The following OAS1 variants were observed in gnomAD, a reference collection of about 807,000 sequenced individuals.
The protein encoded by OAS1 is 2'-5'-oligoadenylate synthase 1.
OAS1 carries 24 observed loss-of-function variants against 38.5 expected under a neutral mutation model. The observed-to-expected ratio is 0.62, with a 90% CI of 0.45 to 0.88. The LOEUF (loss-of-function observed/expected upper bound fraction) is 0.88, where lower values mean the gene tolerates loss of function less well. OAS1 is among the 40% of genes least tolerant of loss of function. The probability of loss-of-function intolerance (pLI) is 0.00; values close to 1 mark genes in which losing one functional copy is unlikely to be tolerated. For missense variants in OAS1, 482 were observed against 493.9 expected (o/e 0.98, Z 0.23); for synonymous variants, 169 against 193.9 (o/e 0.87, Z 1.07).
downstream of OAS1, among the ~76,000 whole-genome samples, chr12:112,921,382 G>A (rs956260181): frequency 1.3e-5 from 2 of 152,134 alleles, no homozygotes; most frequent in Non-Finnish European, 2.9e-5. Flanking sequence ...GTTGCCTTTT[G>A]AGAGTGTTTC....
At chr12:112,922,343 C>T (rs527873259), downstream of OAS1, among the ~76,000 whole-genome samples, 1 of 152,210 alleles carries the variant, frequency 6.6e-6, no homozygotes, top group Admixed American at 6.5e-5. Flanking sequence ...CCCTTAACCC[C>T]CTGGTCGTCC....
At chr12:112,916,868 C>A (rs2043468108) in intron 4 of OAS1, 130 bp downstream of exon 4, 1 of 713,960 alleles carries the variant, frequency 1.4e-6, no homozygotes, top group Admixed American at 2.2e-5. Context: ...CATCATTGTA[C>A]TGGGCATTTT....
intron 2 of OAS1, 122 bp downstream of exon 2, chr12:112,908,946 AT>A (rs1456195732): frequency 1.8e-6 from 2 of 1,085,784 alleles, no homozygotes; most frequent in Non-Finnish European, 2.7e-6. Flanking sequence ...AGATCTTAGG[AT>A]CTGTCCCGGG....
At chr12:112,910,926 T>C in intron 2 of OAS1, 125 bp from the exon 3 acceptor site, 2 of 850,956 alleles carry the variant, frequency 2.4e-6, no homozygotes, top group Non-Finnish European at 3.6e-6. Context: ...ACCTCAAGAC[T>C]TCCCAGCCCT....
intron 3 of OAS1, among the ~76,000 whole-genome samples, chr12:112,914,258 C>T (rs1224777907): frequency 1.3e-5 from 2 of 152,008 alleles, no homozygotes; most frequent in East Asian, 3.8e-4. Context: ...CTGTGAATGC[C>T]ATTATTTTGT....
At chr12:112,913,014 C>T (rs899834567) in intron 3 of OAS1, among the ~76,000 whole-genome samples, 1 of 152,214 alleles carries the variant, frequency 6.6e-6, no homozygotes, top group African/African-American at 2.4e-5. Context: ...AACATTCCAT[C>T]TGGGGTAATT....
chr12:112,916,501 C>T lies in OAS1; in HGVS notation c.655-8C>T, dbSNP rs1179448921. ...CAATTTTTTTCTGATTGTTTTTCCTCTTCTCAGTGTAAGAAGAAGCTTGGG... is the reference window on the plus strand; with the variant it reads ...CAATTTTTTTCTGATTGTTTTTCCTTTTCTCAGTGTAAGAAGAAGCTTGGG... On this transcript the variant is annotated splice_polypyrimidine_tract_variant and splice_region_variant and intron_variant, in intron 3 of 5. Transcript: ENST00000202917. 1 of 1,611,016 alleles carries T rather than the reference C, an allele frequency of 6.2e-7. No individual in the cohort carries two copies. The highest frequency in any genetic ancestry group is 2.2e-5 in the East Asian group (1 of 44,868).
chr12:112,909,436 G>A (rs1010380828), intron 2 of OAS1, among the ~76,000 whole-genome samples: 3 of 151,990 alleles, frequency 2.0e-5, no homozygotes, highest in Admixed American at 6.6e-5. Flanking sequence ...AGGCAGGAGG[G>A]TCGCTTGAGC....
intron 6 of OAS1, among the ~76,000 whole-genome samples, chr12:112,925,197 G>A (rs933124802): frequency 2.0e-5 from 3 of 152,156 alleles, no homozygotes; most frequent in African/African-American, 4.8e-5. Flanking sequence ...AACTCTGCAC[G>A]CTCAGCTTCA....
chr12:112,908,689 G>A lies in OAS1; in HGVS notation c.334G>A (p.Glu112Lys), dbSNP rs1309955547. Residue 112 changes from glutamate (E) to lysine (K), a missense_variant, in exon 2 of 6, where the codon GAG (glutamate) becomes AAG (lysine). By Grantham distance (56) the Glu-to-Lys change is moderately conservative (BLOSUM62 1). Transcript: ENST00000202917. ...IRRQLEACQR[E>K]RAFSVKFEVQ... ...GAGACAGCTGGAAGCCTGTCAAAGA[G>A]AGAGAGCATTTTCCGTGAAGTTTGA... 6.2e-7 allele frequency: 1 copy of A among 1,614,224 alleles called. No individual in the cohort carries two copies. The highest frequency in any genetic ancestry group is 8.5e-7 in the Non-Finnish European group (1 of 1,180,040).
chr12:112,928,134 ATAGG>A (rs2043572018), intron 6 of OAS1, among the ~76,000 whole-genome samples: 1 of 152,218 alleles, frequency 6.6e-6, no homozygotes, highest in Admixed American at 6.5e-5. Context: ...AACTCAGCTA[ATAGG>A]TAGTCCTCTG....
At chr12:112,911,001 G>A (rs747906522) in intron 2 of OAS1, 50 bp from the exon 3 acceptor site, 7 of 1,549,404 alleles carry the variant, frequency 4.5e-6, no homozygotes, top group East Asian at 2.3e-5. Context: ...AGTGACTGAA[G>A]GAAATTCAGA....
chr12:112,928,462 T>C (rs1000877523), intron 6 of OAS1, among the ~76,000 whole-genome samples: 5 of 152,210 alleles, frequency 3.3e-5, no homozygotes, highest in Non-Finnish European at 5.9e-5. Context: ...TTAAAACAAC[T>C]GTGAAGTGAT....
In OAS1 at chr12:112,916,670, G is replaced by C. The variant is rs1420063419; in HGVS notation, c.816G>C (p.Trp272Cys). 6.2e-7 allele frequency: 1 copy of C among 1,614,104 alleles called. No individual in the cohort carries two copies. Among genetic ancestry groups the C allele is most frequent in the East Asian group, 2.2e-5 (1 of 44,886 alleles). The change falls in exon 4 of 6, where the codon TGG becomes TGC. Residue 272 changes from tryptophan to cysteine, a missense_variant. Coordinates refer to ENST00000202917, the MANE Select transcript of OAS1 (RefSeq NM_016816.4). ...ACTACCAGCAACTCTGCATCTACTG[G>C]ACAAAGTATTATGACTTTAAAAACC... ...VINYQQLCIY[W>C]TKYYDFKNPI... is the part of the protein sequence containing the mutation.
At position 112,907,120 on chromosome 12, in the gene OAS1, C is replaced by T. The variant is rs971215607; in HGVS notation, c.81C>T (p.Arg27=). 3 of 1,614,114 alleles carry T rather than the reference C, an allele frequency of 1.9e-6. No homozygotes were observed. The African/African-American group carries it at 4.0e-5, about 22-fold the overall frequency. Residue 27 remains arginine (R), a synonymous_variant, in exon 1 of 6, where the codon CGC becomes CGT. Coordinates refer to ENST00000202917, the MANE Select transcript of OAS1 (RefSeq NM_016816.4). ...ATCTCTTGCCAGACACGTGTTTCCG[C>T]ATGCAAATCAACCATGCCATTGACA... ...EDYLLPDTCF[R]MQINHAIDII...
At chr12:112,921,317 G>A (rs778420814), downstream of OAS1, among the ~76,000 whole-genome samples, 2 of 152,196 alleles carry the variant, frequency 1.3e-5, no homozygotes, top group Non-Finnish European at 2.9e-5. Context: ...AGGCAAGTGT[G>A]GACATCCCAA....
chr12:112,925,323 C>T (rs1352695513), intron 6 of OAS1, among the ~76,000 whole-genome samples: 2 of 152,106 alleles, frequency 1.3e-5, no homozygotes, highest in Non-Finnish European at 2.9e-5. Flanking sequence ...CCTCCTTGCA[C>T]ACCCCTCACG....
intron 3 of OAS1, among the ~76,000 whole-genome samples, chr12:112,915,809 G>C (rs1052000877): frequency 1.3e-5 from 2 of 152,066 alleles, no homozygotes; most frequent in African/African-American, 2.4e-5. Context: ...GCAATGTTTT[G>C]TAGTTTTCCT....
In OAS1 at chr12:112,907,000, G is replaced by A. The variant is rs779021235; in HGVS notation, c.-40G>A. ...TCAGCAGAAGAGATAAAAGCAAACA[G>A]GTCTGGGAGGCAGTTCTGTTGCCAC... On this transcript the variant is annotated 5_prime_UTR_variant, in exon 1 of 6. Coordinates refer to ENST00000202917, the MANE Select transcript of OAS1 (RefSeq NM_016816.4). The A allele has an allele frequency of 5.0e-6, 8 of 1,609,500 alleles. No homozygotes were observed. In the East Asian group the frequency reaches 6.7e-5, roughly 13 times the overall value.
Sources: gnomAD v4.1 joint callset for allele counts (sites outside exome capture counted in the v4.1 genomes callset) on GRCh38, gnomAD v4.1.1 for gene constraint, MANE v1.5 for transcripts, NCBI Gene and HGNC (gene_info 2026-07-23, HGNC 2026-07-21) for gene names.